The following FHIT variants were observed in gnomAD, a reference collection of about 807,000 sequenced individuals.
FHIT encodes bis(5'-adenosyl)-triphosphatase.
A neutral mutation model predicts 17.9 loss-of-function variants in FHIT; 19 were observed. The observed-to-expected ratio is 1.06, with a 90% CI of 0.74 to 1.56. The LOEUF (loss-of-function observed/expected upper bound fraction) is 1.56. FHIT is among the 40% of genes most tolerant of loss of function. The pLI, the probability that FHIT is intolerant of heterozygous loss-of-function variation, is 0.00. For synonymous variants in FHIT, 81 were observed against 69.7 expected (o/e 1.16, Z -0.81); for missense variants, 248 against 189.2 (o/e 1.31, Z -1.82).
At chr3:61,084,573 T>C (rs942599049) in intron 2 of FHIT, among the ~76,000 whole-genome samples, 3 of 152,202 alleles carry the variant, frequency 2.0e-5, no homozygotes, top group Non-Finnish European at 4.4e-5. Context: ...TCTGTACCTT[T>C]CTCTGTAGAG....
At chr3:60,865,706 C>G (rs1420489356) in intron 3 of FHIT, among the ~76,000 whole-genome samples, 2 of 152,064 alleles carry the variant, frequency 1.3e-5, no homozygotes, top group Admixed American at 6.6e-5. Flanking sequence ...GCTCATGACT[C>G]CCTGTGAGAT....
At chr3:61,082,400 A>G (rs1244570731) in intron 2 of FHIT, among the ~76,000 whole-genome samples, 1 of 152,242 alleles carries the variant, frequency 6.6e-6, no homozygotes, top group Admixed American at 6.5e-5. Flanking sequence ...TGTTGCAACT[A>G]GAAGTAATTG....
chr3:61,077,776 C>T (rs1022313644), intron 2 of FHIT, among the ~76,000 whole-genome samples: 1 of 152,158 alleles, frequency 6.6e-6, no homozygotes, highest in Non-Finnish European at 1.5e-5. Context: ...TCTCTCTCCA[C>T]CATCACTGGC....
chr3:60,065,969 A>G (rs1233651225), intron 5 of FHIT, among the ~76,000 whole-genome samples: 1 of 152,180 alleles, frequency 6.6e-6, no homozygotes, highest in Non-Finnish European at 1.5e-5. Flanking sequence ...TAAAACAATC[A>G]CTAAGACACT....
chr3:60,609,189 G>C (rs1461711419), intron 4 of FHIT, among the ~76,000 whole-genome samples: 1 of 152,124 alleles, frequency 6.6e-6, no homozygotes, highest in Non-Finnish European at 1.5e-5. Flanking sequence ...CCTGACAGCT[G>C]CATGAACTCA....
intron 3 of FHIT, among the ~76,000 whole-genome samples, chr3:60,927,697 C>T (rs1707710975): frequency 6.6e-6 from 1 of 151,764 alleles, no homozygotes; most frequent in Non-Finnish European, 1.5e-5. Context: ...GTGGGGAGCA[C>T]CCCCGCCCGG....
intron 5 of FHIT, among the ~76,000 whole-genome samples, chr3:60,277,960 A>T (rs572689354): frequency 1.3e-5 from 2 of 152,352 alleles, no homozygotes; most frequent in Non-Finnish European, 2.9e-5. Context: ...TGACTTTTTT[A>T]GATTCAGCAG....
intron 7 of FHIT, among the ~76,000 whole-genome samples, chr3:59,985,082 T>G (rs1442213506): frequency 1.3e-5 from 2 of 152,124 alleles, no homozygotes. Flanking sequence ...AGGGACATCT[T>G]CTCTGTGGTG....
Position 60,441,762 on chromosome 3 carries a change from ATATATATT to A in FHIT, c.103+95090_103+95097del, listed in dbSNP as rs2030857368. Among the ~76,000 whole-genome samples the A allele has an allele frequency of 5.4e-5, 4 of 73,456 alleles. No individual in the cohort carries two copies. The Admixed American group carries it at 6.0e-4, about 11-fold the overall frequency. The allele number at this position is 73,456 out of a possible 152,430, so 48.2% of individuals were successfully genotyped here. The stretch of plus-strand genomic sequence containing the variant: ...TATATATTTATATATATAAAAATAT[ATATATATT>A]TATATGTATAAAAATATATATATAT... On this transcript the variant is annotated intron_variant, in intron 5 of 9. Transcript: ENST00000492590.
intron 7 of FHIT, among the ~76,000 whole-genome samples, chr3:59,942,377 C>T (rs781436296): frequency 1.1e-4 from 17 of 152,178 alleles, no homozygotes; most frequent in Non-Finnish European, 2.2e-4. Context: ...GCTTCAAACT[C>T]AGCTTGAGCG....
At chr3:61,187,066 A>G (rs1560052200) in intron 2 of FHIT, among the ~76,000 whole-genome samples, 1 of 152,102 alleles carries the variant, frequency 6.6e-6, no homozygotes, top group Non-Finnish European at 1.5e-5. Flanking sequence ...TGTTCCTTGT[A>G]CCTCACACAG....
intron 5 of FHIT, among the ~76,000 whole-genome samples, chr3:60,448,362 A>G (rs369418442): frequency 6.6e-6 from 1 of 152,246 alleles, no homozygotes; most frequent in African/African-American, 2.4e-5. Flanking sequence ...GTCTAAAAGC[A>G]AACAAAAAAT....
At chr3:60,204,151 T>C (rs1703046912) in intron 5 of FHIT, among the ~76,000 whole-genome samples, 1 of 152,218 alleles carries the variant, frequency 6.6e-6, no homozygotes, top group Non-Finnish European at 1.5e-5. Flanking sequence ...GGTGGGATTA[T>C]TACTCATTGC....
chr3:60,207,777 A>G (rs1206886187), intron 5 of FHIT, among the ~76,000 whole-genome samples: 1 of 152,212 alleles, frequency 6.6e-6, no homozygotes, highest in Non-Finnish European at 1.5e-5. Flanking sequence ...GAATGTGTGA[A>G]AAATCTATAG....
intron 4 of FHIT, among the ~76,000 whole-genome samples, chr3:60,651,200 G>C (rs1485976991): frequency 1.3e-5 from 2 of 151,808 alleles, no homozygotes; most frequent in Non-Finnish European, 2.9e-5. Context: ...CTTAATTTCT[G>C]ATTATTTTCT....
chr3:59,856,679 G>A (rs1702170004), intron 8 of FHIT, among the ~76,000 whole-genome samples: 1 of 152,174 alleles, frequency 6.6e-6, no homozygotes, highest in African/African-American at 2.4e-5. Flanking sequence ...GCTGTATAAT[G>A]TAGCAATGTT....
intron 5 of FHIT, among the ~76,000 whole-genome samples, chr3:60,021,237 T>C (rs9854540): frequency 1.3e-5 from 2 of 151,946 alleles, no homozygotes; most frequent in Non-Finnish European, 2.9e-5. Context: ...TGAGACCTTG[T>C]TCATCTGGAG....
At chr3:59,894,056 C>T (rs945864822) in intron 8 of FHIT, among the ~76,000 whole-genome samples, 1 of 152,126 alleles carries the variant, frequency 6.6e-6, no homozygotes, top group African/African-American at 2.4e-5. Flanking sequence ...CACTTTAGAC[C>T]AGCCTGGGCA....
chr3:60,005,086 T>TC (rs1699872041), intron 7 of FHIT, among the ~76,000 whole-genome samples: 1 of 152,144 alleles, frequency 6.6e-6, no homozygotes, highest in Non-Finnish European at 1.5e-5. Flanking sequence ...CCCAGAGTCC[T>TC]CCCTCTTCAT....
Sources: allele counts gnomAD v4.1 joint callset (sites outside exome capture counted in the v4.1 genomes callset), GRCh38; gene constraint gnomAD v4.1.1; transcripts MANE v1.5; gene names NCBI Gene and HGNC (gene_info 2026-07-23, HGNC 2026-07-21).